Variants in TBC1D14 observed in about 807,000 individuals in gnomAD.
The protein encoded by TBC1D14 is TBC1 domain family, member 14.
Under a neutral mutation model 79.0 loss-of-function variants are expected in TBC1D14, and 26 were observed. The observed-to-expected ratio is 0.33, with a 90% CI of 0.24 to 0.46. The LOEUF (loss-of-function observed/expected upper bound fraction) is 0.46, where lower values mean the gene tolerates loss of function less well. TBC1D14 is among the 20% of genes least tolerant of loss of function. TBC1D14 has a pLI of 1.00. For synonymous variants in TBC1D14, 394 were observed against 349.9 expected (o/e 1.13, Z -1.40); for missense variants, 769 against 887.6 (o/e 0.87, Z 1.70).
chr4:6,986,248 C>T (rs141105351), intron 3 of TBC1D14, among the ~76,000 whole-genome samples: 3 of 152,190 alleles, frequency 2.0e-5, no homozygotes, highest in African/African-American at 4.8e-5. Flanking sequence ...CCCTGCTGCT[C>T]ATGCATCCGC....
rs534450447 is a variant in TBC1D14, at chr4:6,937,003, C to T, written c.722+12892C>T. 6.6e-5 allele frequency among the ~76,000 whole-genome samples: 10 copies of T among 152,264 alleles called. No homozygotes were observed. In the South Asian group the frequency reaches 1.2e-3, roughly 19 times the overall value. On this transcript the variant is annotated intron_variant, in intron 2 of 13. Transcript: ENST00000409757. ...CACGATCTCGGCTCACCGCAACCTC[C>T]GCCTTCCGGGTTCAAGCGATTCTCC...
At chr4:6,915,602 A>C (rs1007651451) in intron 1 of TBC1D14, among the ~76,000 whole-genome samples, 1 of 152,050 alleles carries the variant, frequency 6.6e-6, no homozygotes, top group African/African-American at 2.4e-5. Context: ...TGGGCATACT[A>C]CCTGGCTCAC....
At chr4:6,981,018 GTC>G (rs1448301661) in intron 3 of TBC1D14, among the ~76,000 whole-genome samples, 8 of 141,388 alleles carry the variant, frequency 5.7e-5, no homozygotes, top group Non-Finnish European at 9.2e-5. Flanking sequence ...CCCGGCCTCT[GTC>G]TCTTTTTTTT....
chr4:6,990,920 C>A (rs1455938850), intron 3 of TBC1D14, among the ~76,000 whole-genome samples: 1 of 152,210 alleles, frequency 6.6e-6, no homozygotes, highest in East Asian at 1.9e-4. Context: ...TTTCTTCCCT[C>A]CGGGATCCTG....
chr4:7,014,965 G>C (rs1721136927), intron 12 of TBC1D14, among the ~76,000 whole-genome samples: 1 of 152,244 alleles, frequency 6.6e-6, no homozygotes, highest in Non-Finnish European at 1.5e-5. Context: ...GAAGGCAGGA[G>C]GTCCTGGACC....
At chr4:7,003,047 T>C (rs896193322) in intron 7 of TBC1D14, among the ~76,000 whole-genome samples, 15 of 152,316 alleles carry the variant, frequency 9.8e-5, no homozygotes, top group Non-Finnish European at 1.9e-4. Flanking sequence ...CTCTTGTGGT[T>C]GTACAATTGA....
At chr4:6,986,555 C>CG (rs1323241674) in intron 3 of TBC1D14, among the ~76,000 whole-genome samples, 1 of 152,150 alleles carries the variant, frequency 6.6e-6, no homozygotes, top group African/African-American at 2.4e-5. Flanking sequence ...AGGAGATCTG[C>CG]GGGGGGAGCC....
intron 2 of TBC1D14, among the ~76,000 whole-genome samples, chr4:6,963,295 T>C (rs1208186928): frequency 6.6e-6 from 1 of 152,210 alleles, no homozygotes; most frequent in Non-Finnish European, 1.5e-5. Context: ...CATTGTGTGC[T>C]CAGCATCTGA....
Position 7,031,327 on chromosome 4 carries a change from C to T in TBC1D14, c.*935C>T, listed in dbSNP as rs952827036. On this transcript the variant is annotated 3_prime_UTR_variant, in exon 14 of 14. Transcript: ENST00000409757. ...TGTGCCAGCAGTGGCTCCTCTCTGC[C>T]TTTGAGCCCTGCACAGCTGGACCCA... 2 of 152,390 alleles carry T rather than the reference C, an allele frequency of 1.3e-5. No homozygotes were observed. Among genetic ancestry groups the T allele is most frequent in the Non-Finnish European group, 2.9e-5 (2 of 68,160 alleles). 9.4% of individuals were successfully genotyped at this position (152,390 alleles called of 1,614,324 possible).
intron 13 of TBC1D14, among the ~76,000 whole-genome samples, chr4:7,027,068 G>A (rs918336036): frequency 1.3e-5 from 2 of 151,902 alleles, no homozygotes; most frequent in South Asian, 2.1e-4. Flanking sequence ...AAAATTAGCC[G>A]GGCACGTTGG....
chr4:6,948,109 A>G (rs1245788163), intron 2 of TBC1D14, among the ~76,000 whole-genome samples: 1 of 152,208 alleles, frequency 6.6e-6, no homozygotes, highest in African/African-American at 2.4e-5. Context: ...GTTTGAGCTG[A>G]GTTAGCATGT....
chr4:6,912,572 A>G (rs1164048247), intron 1 of TBC1D14, among the ~76,000 whole-genome samples: 1 of 152,008 alleles, frequency 6.6e-6, no homozygotes, highest in African/African-American at 2.4e-5. Flanking sequence ...GTGAGGAGAG[A>G]GACTGGTGAC....
At position 6,924,024 on chromosome 4, in the gene TBC1D14, G is replaced by T. The variant is rs374524981; in HGVS notation, c.635G>T (p.Arg212Leu). 1 of 1,614,162 alleles carries T rather than the reference G, an allele frequency of 6.2e-7. No individual in the cohort carries two copies. The highest frequency in any genetic ancestry group is 1.3e-5 in the African/African-American group (1 of 75,070). Residue 212 changes from arginine (R) to leucine (L), a missense_variant, in exon 2 of 14, where the codon CGT becomes CTT. Arg to Leu is a moderately radical substitution (Grantham distance 102). Transcript: ENST00000409757. ...ACCTTGAGCTCTATCAAGGAAACCCGTGGCTTACACCAGCAGGACTGTGTT... is the reference window on the plus strand; with the variant it reads ...ACCTTGAGCTCTATCAAGGAAACCCTTGGCTTACACCAGCAGGACTGTGTT... ...NVTLSSIKET[R>L]GLHQQDCVHE...
intron 2 of TBC1D14, among the ~76,000 whole-genome samples, chr4:6,944,539 G>A (rs1713238314): frequency 6.6e-6 from 1 of 152,182 alleles, no homozygotes; most frequent in South Asian, 2.1e-4. Context: ...CCTGCCGGGA[G>A]CCGTCTGTCC....
intron 9 of TBC1D14, among the ~76,000 whole-genome samples, chr4:7,009,474 A>G (rs1002797465): frequency 6.6e-6 from 1 of 152,200 alleles, no homozygotes; most frequent in African/African-American, 2.4e-5. Context: ...GGCAGAAAGG[A>G]TAGTCAGGAT....
chr4:6,937,861 T>C (rs1190583467), intron 2 of TBC1D14, among the ~76,000 whole-genome samples: 1 of 151,880 alleles, frequency 6.6e-6, no homozygotes, highest in Non-Finnish European at 1.5e-5. Context: ...CGTCACCGTG[T>C]GGGCGGGGAG....
At chr4:6,999,008 T>G in intron 5 of TBC1D14, 77 bp from the exon 6 acceptor site, 1 of 1,446,806 alleles carries the variant, frequency 6.9e-7, no homozygotes, top group Non-Finnish European at 9.7e-7. Flanking sequence ...GTTCGCAGTG[T>G]GACAGGAAAA....
chr4:7,019,648 A>G (rs1490930817), intron 12 of TBC1D14, among the ~76,000 whole-genome samples: 4 of 152,202 alleles, frequency 2.6e-5, no homozygotes, highest in Non-Finnish European at 4.4e-5. Flanking sequence ...GTTTACTTTC[A>G]TGTCTGTTGG....
At position 6,968,289 on chromosome 4, in the gene TBC1D14, C is replaced by G. The variant is rs985309565; in HGVS notation, c.843+865C>G. Among the ~76,000 whole-genome samples the G allele has an allele frequency of 5.3e-5, 8 of 152,238 alleles. 1 individual carries two copies. Among genetic ancestry groups the G allele is most frequent in the Admixed American group, 2.0e-4 (3 of 15,292 alleles). On this transcript the variant is annotated intron_variant, in intron 3 of 13. Transcript: ENST00000409757. ...CAACAGTGTCCCCATGGAAATGATTCCAGGGCAGGCGCAGGAGGAGTGGGG... is the reference window on the plus strand; with the variant it reads ...CAACAGTGTCCCCATGGAAATGATTGCAGGGCAGGCGCAGGAGGAGTGGGG...
Sources: allele counts gnomAD v4.1 joint callset (sites outside exome capture counted in the v4.1 genomes callset), GRCh38; gene constraint gnomAD v4.1.1; transcripts MANE v1.5; gene names NCBI Gene and HGNC (gene_info 2026-07-23, HGNC 2026-07-21).